The following PALB2 variants were observed in gnomAD, a reference collection of about 807,000 sequenced individuals.
PALB2 encodes partner and localizer of BRCA2.
Under a neutral mutation model 107.4 loss-of-function variants are expected in PALB2, and 82 were observed. The observed-to-expected ratio is 0.76, with a 90% CI of 0.64 to 0.92. PALB2 has a LOEUF of 0.92. Ranked by LOEUF, PALB2 falls within the 40% of genes least tolerant of loss-of-function variation. PALB2 has a pLI of 0.00. For synonymous variants in PALB2, 489 were observed against 496.8 expected, an observed-to-expected ratio of 0.98 and a Z score of 0.21; for missense variants, 1,374 against 1,379.9, an observed-to-expected ratio of 1.00 and a Z score of 0.07.
intron 12 of PALB2, among the ~76,000 whole-genome samples, chr16:23,606,411 A>ACAGGC (rs2142265299): frequency 6.6e-6 from 1 of 152,294 alleles, no homozygotes; most frequent in South Asian, 2.1e-4. Context: ...CAGAAGTGTC[A>ACAGGC]CAGCTAGCTA....
intron 10 of PALB2, among the ~76,000 whole-genome samples, chr16:23,616,612 C>T (rs1966688390): frequency 6.6e-6 from 1 of 151,930 alleles, no homozygotes; most frequent in Non-Finnish European, 1.5e-5. Context: ...GACCAGGATT[C>T]ATATCTGATT....
chr16:23,630,697 T>C (rs1966869312), intron 4 of PALB2, among the ~76,000 whole-genome samples: 1 of 152,188 alleles, frequency 6.6e-6, no homozygotes, highest in Admixed American at 6.5e-5. Flanking sequence ...TAAACTCAAA[T>C]ATACTAAAAA....
chr16:23,605,270 C>T (rs1423111234), intron 12 of PALB2, among the ~76,000 whole-genome samples: 2 of 152,136 alleles, frequency 1.3e-5, no homozygotes, highest in Admixed American at 6.6e-5. Context: ...CTCCCCAACC[C>T]TCTACTGCCA....
intron 12 of PALB2, among the ~76,000 whole-genome samples, chr16:23,604,230 A>G (rs1249780658): frequency 6.6e-6 from 1 of 152,242 alleles, no homozygotes; most frequent in Non-Finnish European, 1.5e-5. Flanking sequence ...CCATCTATGA[A>G]GCAGAAACCT....
At chr16:23,618,695 T>A (rs954987256) in intron 10 of PALB2, among the ~76,000 whole-genome samples, 5 of 151,870 alleles carry the variant, frequency 3.3e-5, no homozygotes, top group East Asian at 1.9e-4. Context: ...AAAAAAAAAA[T>A]ATCAAGTTTG....
In PALB2 at chr16:23,635,952, G is replaced by A. The variant is rs1555461716; in HGVS notation, c.594C>T (p.His198=). 1 of 1,614,168 alleles carries A rather than the reference G, an allele frequency of 6.2e-7. No homozygotes were observed. Among genetic ancestry groups the A allele is most frequent in the East Asian group, 2.2e-5 (1 of 44,880 alleles). ...GAAGTTCAGATTTAAGACTTAAAAG[G>A]TGAGTTCTTATTTCAGTTACTGGTG... ...ARSPVTEIRT[H]LLSLKSELPD... Residue 198 remains histidine, a synonymous_variant, in exon 4 of 13, where the codon CAC becomes CAT. Transcript: ENST00000261584.
intron 10 of PALB2, among the ~76,000 whole-genome samples, chr16:23,616,019 T>C (rs1374869688): frequency 6.6e-6 from 1 of 152,178 alleles, no homozygotes; most frequent in African/African-American, 2.4e-5. Flanking sequence ...CACTCATTGC[T>C]CCATTTCCTG....
Position 23,635,476 on chromosome 16 carries a change from G to A in PALB2, c.1070C>T (p.Ser357Phe), listed in dbSNP as rs1555461469. 3.1e-6 allele frequency: 5 copies of A among 1,614,090 alleles called. No homozygotes were observed. The highest frequency in any genetic ancestry group is 1.1e-5 in the South Asian group (1 of 91,074). ...EQNQTEKSLK[S>F]PSDTLDGRNE... ...CCTGCCATCAAGAGTGTCACTGGGA[G>A]ATTTTAAAGATTTCTCTGTTTGATT... The change falls in exon 4 of 13, where the codon TCT (serine) becomes TTT (phenylalanine). Residue 357 changes from serine (S) to phenylalanine (F), a missense_variant. Ser to Phe is a radical substitution (Grantham distance 155). Coordinates refer to ENST00000261584, the MANE Select transcript of PALB2 (RefSeq NM_024675.4).
intron 4 of PALB2, among the ~76,000 whole-genome samples, chr16:23,630,708 A>G (rs1232206421): frequency 2.6e-5 from 4 of 152,202 alleles, no homozygotes; most frequent in Non-Finnish European, 4.4e-5. Flanking sequence ...ATACTAAAAA[A>G]TGTTCATTAC....
chr16:23,627,176 T>C (rs558930869), intron 6 of PALB2, among the ~76,000 whole-genome samples: 3 of 152,072 alleles, frequency 2.0e-5, no homozygotes, highest in African/African-American at 7.2e-5. Context: ...CCAAGAAAAT[T>C]TGGAAATTTC....
At chr16:23,616,200 C>A (rs1007090019) in intron 10 of PALB2, among the ~76,000 whole-genome samples, 1 of 152,104 alleles carries the variant, frequency 6.6e-6, no homozygotes, top group Non-Finnish European at 1.5e-5. Context: ...TATATCCCAC[C>A]CCCTCCAAGC....
At chr16:23,622,849 C>T in intron 9 of PALB2, 120 bp downstream of exon 9, 1 of 1,112,018 alleles carries the variant, frequency 9.0e-7, no homozygotes, top group Non-Finnish European at 1.4e-6. Flanking sequence ...TGATGCGGTA[C>T]ATGCTTATAT....
intron 11 of PALB2, among the ~76,000 whole-genome samples, chr16:23,613,016 G>C (rs1298500132): frequency 1.3e-5 from 2 of 150,202 alleles, no homozygotes; most frequent in Non-Finnish European, 3.0e-5. Flanking sequence ...GCCTCCCAAA[G>C]CGTTTTTTTT....
rs45439097 is a variant in PALB2, at chr16:23,603,525, C to G, written c.3495G>C (p.Ser1165=). 1 of 1,613,972 alleles carries G rather than the reference C, an allele frequency of 6.2e-7. No homozygotes were observed. Among genetic ancestry groups the G allele is most frequent in the Non-Finnish European group, 8.5e-7 (1 of 1,179,996 alleles). Residue 1165 remains serine, a synonymous_variant, in exon 13 of 13, where the codon TCG becomes TCC. Coordinates refer to ENST00000261584, the MANE Select transcript of PALB2 (RefSeq NM_024675.4). ...CAGCCAGCAAATGAGAGTCTGTACC[C>G]GACCATTTCACAAAAGACCAATGTT... ...SDQHWSFVKW[S]GTDSHLLAGQ... is the part of the protein sequence containing the mutation.
rs62625282 is a variant in PALB2, at chr16:23,603,658, C to T, written c.3362G>A (p.Gly1121Asp). 17 of 1,613,490 alleles carry T rather than the reference C, an allele frequency of 1.1e-5. No homozygotes were observed. Among genetic ancestry groups the T allele is most frequent in the Non-Finnish European group, 9.3e-6 (11 of 1,179,912 alleles). Reference sequence around the variant, plus strand: ...TGCTGCACAGTGATCTTTCACGTCACCTTCCAGGAACCTGATAGCATACAA... The same window carrying T: ...TGCTGCACAGTGATCTTTCACGTCATCTTCCAGGAACCTGATAGCATACAA... ...PPGQAGRFLE[G>D]DVKDHCAAAI... The change falls in exon 13 of 13, where the codon GGT becomes GAT. Residue 1121 changes from glycine (G) to aspartate (D), a missense_variant. Coordinates refer to ENST00000261584, the MANE Select transcript of PALB2 (RefSeq NM_024675.4).
intron 11 of PALB2, among the ~76,000 whole-genome samples, chr16:23,610,022 A>G (rs929272304): frequency 1.3e-5 from 2 of 152,174 alleles, no homozygotes; most frequent in African/African-American, 4.8e-5. Context: ...AATGTTTTTC[A>G]GATTTTGAAA....
rs1260530091 is a variant in PALB2 at position 23,603,688 on chromosome 16, G to C, written c.3351-19C>G. On this transcript the variant is annotated intron_variant, in intron 12 of 12. Transcript: ENST00000261584. ...CAGGAACCTGATAGCATACAAAGAA[G>C]ATATAATTCAGATTACATATCCAAA... 1 of 1,570,420 alleles carries C rather than the reference G, an allele frequency of 6.4e-7. No homozygotes were observed. Among genetic ancestry groups the C allele is most frequent in the Non-Finnish European group, 8.7e-7 (1 of 1,150,544 alleles).
At chr16:23,622,742 C>A (rs1214556708) in intron 9 of PALB2, among the ~76,000 whole-genome samples, 1 of 152,148 alleles carries the variant, frequency 6.6e-6, no homozygotes, top group Non-Finnish European at 1.5e-5. Flanking sequence ...GACTGAAGAA[C>A]AAACTACATT....
At chr16:23,631,446 G>A (rs926048532) in intron 4 of PALB2, among the ~76,000 whole-genome samples, 1 of 151,988 alleles carries the variant, frequency 6.6e-6, no homozygotes, top group Non-Finnish European at 1.5e-5. Context: ...TCCAGCCTGG[G>A]CAACAGAGCG....
Sources: allele counts gnomAD v4.1 joint callset (sites outside exome capture counted in the v4.1 genomes callset), GRCh38; gene constraint gnomAD v4.1.1; transcripts MANE v1.5; gene names NCBI Gene and HGNC (gene_info 2026-07-23, HGNC 2026-07-21).